LINGO2: variants seen among roughly 807,000 people sequenced by gnomAD.
The protein encoded by LINGO2 is leucine-rich repeat and immunoglobulin-like domain-containing nogo receptor-interacting protein 2.
LINGO2 carries 14 observed loss-of-function variants against 30.6 expected under a neutral mutation model. The observed-to-expected ratio is 0.46, with a 90% CI of 0.30 to 0.72. The LOEUF is 0.72. Ranked by LOEUF, LINGO2 falls within the 30% of genes least tolerant of loss-of-function variation. The pLI, the probability that LINGO2 is intolerant of heterozygous loss-of-function variation, is 0.07. For missense variants in LINGO2, 729 were observed against 751.7 expected (o/e 0.97, Z 0.35); for synonymous variants, 317 against 288.5 (o/e 1.10, Z -1.00).
chr9:28,166,366 A>G (rs1254800783), intron 4 of LINGO2, among the ~76,000 whole-genome samples: 1 of 152,228 alleles, frequency 6.6e-6, no homozygotes, highest in Admixed American at 6.5e-5. Flanking sequence ...TCTAAGCCTC[A>G]GATTCCTCAG....
the LINGO2 span, among the ~76,000 whole-genome samples, chr9:28,744,609 C>CGTGTGTGGGTGTGTGTGTGTGT: frequency 7.5e-6 from 1 of 133,954 alleles, no homozygotes; most frequent in Non-Finnish European, 1.5e-5. Context: ...ATATTCCCCT[C>CGTGTGTGGGTGTGTGTGTGTGT]GTGTGTGTGT....
exon 6 of LINGO2, chr9:27,949,103 G>A: frequency 5.6e-6 from 9 of 1,614,184 alleles, no homozygotes; most frequent in Non-Finnish European, 6.8e-6. Flanking sequence ...TGGAAATGGT[G>A]TCATTGGAGT....
chr9:27,942,760 G>A, the LINGO2 span: 3 of 151,824 alleles, frequency 2.0e-5, no homozygotes, highest in African/African-American at 4.8e-5. Context: ...CTTTTAAAAC[G>A]GTTATAATTT....
intron 1 of LINGO2, among the ~76,000 whole-genome samples, chr9:28,540,040 G>A (rs977516020): frequency 1.3e-5 from 2 of 152,016 alleles, no homozygotes. Flanking sequence ...AGACAGCTAG[G>A]GTTAAGTGGT....
At chr9:28,682,625 T>A in the LINGO2 span, among the ~76,000 whole-genome samples, 1 of 152,128 alleles carries the variant, frequency 6.6e-6, no homozygotes, top group Admixed American at 6.6e-5. Context: ...CAAGTCTATA[T>A]ATTGTTTTTG....
chr9:28,289,078 C>T (rs1823624237), intron 4 of LINGO2, among the ~76,000 whole-genome samples: 1 of 152,030 alleles, frequency 6.6e-6, no homozygotes, highest in African/African-American at 2.4e-5. Context: ...AGGGACAGTA[C>T]AAATTTTTAT....
intron 4 of LINGO2, among the ~76,000 whole-genome samples, chr9:28,093,817 G>A (rs1826168018): frequency 6.6e-6 from 1 of 151,856 alleles, no homozygotes; most frequent in African/African-American, 2.4e-5. Context: ...GGAAGACCTT[G>A]AAATGTGTCT....
intron 1 of LINGO2, among the ~76,000 whole-genome samples, chr9:28,517,801 C>T (rs946849768): frequency 1.3e-5 from 2 of 152,038 alleles, no homozygotes; most frequent in Non-Finnish European, 2.9e-5. Context: ...TTTACTCTAC[C>T]CAGAAGCCTA....
chr9:28,662,397 G>T (rs1054620223), intron 1 of LINGO2, among the ~76,000 whole-genome samples: 4 of 152,142 alleles, frequency 2.6e-5, no homozygotes, highest in Non-Finnish European at 4.4e-5. Flanking sequence ...GACTTAGAAT[G>T]TTAATATTTA....
the LINGO2 span, among the ~76,000 whole-genome samples, chr9:29,139,416 T>A: frequency 6.6e-6 from 1 of 152,166 alleles, no homozygotes; most frequent in African/African-American, 2.4e-5. Flanking sequence ...TAATACAAGA[T>A]ATAAATATTA....
chr9:29,051,345 C>T, the LINGO2 span, among the ~76,000 whole-genome samples: 1 of 152,182 alleles, frequency 6.6e-6, no homozygotes, highest in Non-Finnish European at 1.5e-5. Flanking sequence ...TCACCATCTC[C>T]ATAATTTTGC....
intron 2 of LINGO2, among the ~76,000 whole-genome samples, chr9:28,438,748 A>C (rs1824057143): frequency 6.6e-6 from 1 of 151,336 alleles, no homozygotes; most frequent in African/African-American, 2.4e-5. Flanking sequence ...ATCAAGGGCT[A>C]ATGCCTTTGT....
intron 1 of LINGO2, among the ~76,000 whole-genome samples, chr9:28,590,528 A>G (rs1410069629): frequency 1.3e-5 from 2 of 152,208 alleles, no homozygotes; most frequent in African/African-American, 4.8e-5. Context: ...AGAAGAACAC[A>G]TTTATGCAGC....
At chr9:29,196,594 T>A in the LINGO2 span, among the ~76,000 whole-genome samples, 2 of 151,978 alleles carry the variant, frequency 1.3e-5, no homozygotes, top group East Asian at 3.9e-4. Flanking sequence ...CAGTGTTAAG[T>A]GAAGGTTGAG....
chr9:28,866,325 C>G, the LINGO2 span, among the ~76,000 whole-genome samples: 36 of 151,866 alleles, frequency 2.4e-4, no homozygotes, highest in South Asian at 4.8e-3. Context: ...TATCCAGAAC[C>G]CCTGTGTCAT....
the LINGO2 span, among the ~76,000 whole-genome samples, chr9:29,040,730 A>G: frequency 1.3e-5 from 2 of 152,146 alleles, no homozygotes; most frequent in South Asian, 2.1e-4. Flanking sequence ...TTAGGATGTT[A>G]TTTCTAAAAT....
At chr9:29,131,963 T>C in the LINGO2 span, among the ~76,000 whole-genome samples, 5 of 151,556 alleles carry the variant, frequency 3.3e-5, no homozygotes. Flanking sequence ...GTAGTTGTAT[T>C]CATTTCCTCT....
In LINGO2 at chr9:28,020,357, C is replaced by T. The variant is rs551739102; in HGVS notation, c.-86-7952G>A. 1.9e-3 allele frequency among the ~76,000 whole-genome samples: 292 copies of T among 152,098 alleles called. 4 individuals are homozygous for T. Among genetic ancestry groups the T allele is most frequent in the African/African-American group, 6.2e-3 (256 of 41,506 alleles). ...CAGCCTAACCAATACGGTGAAACCT[C>T]GACTCTACTAACAATACAAAAACTA... On this transcript the variant is annotated intron_variant, in intron 4 of 5. Transcript: ENST00000379992.
chr9:27,949,425 T>C, exon 6 of LINGO2: 7 of 1,614,112 alleles, frequency 4.3e-6, no homozygotes, highest in Non-Finnish European at 5.9e-6. Context: ...ATGCTGCAAC[T>C]TCTTTTCACG....
Sources: allele counts gnomAD v4.1 joint callset (sites outside exome capture counted in the v4.1 genomes callset), GRCh38; gene constraint gnomAD v4.1.1; transcripts MANE v1.5; gene names NCBI Gene and HGNC (gene_info 2026-07-23, HGNC 2026-07-21).